THNSL2: variants seen among roughly 807,000 people sequenced by gnomAD.
THNSL2 encodes the protein threonine synthase like 2.
In THNSL2, 34 loss-of-function variants were observed where a neutral mutation model predicts 40.0. The observed-to-expected ratio is 0.85, with a 90% CI of 0.65 to 1.13. THNSL2 has a LOEUF of 1.13. THNSL2 is among the 50% of genes most tolerant of loss of function. THNSL2 has a pLI of 0.00. For synonymous variants in THNSL2, 241 were observed against 247.5 expected (o/e 0.97, Z 0.25); for missense variants, 537 against 608.8 (o/e 0.88, Z 1.24).
At chr2:88,183,145 C>G in intron 7 of THNSL2, 72 bp downstream of exon 7, 1 of 1,566,232 alleles carries the variant, frequency 6.4e-7, no homozygotes, top group Non-Finnish European at 8.7e-7. Flanking sequence ...GTTTGGAAGT[C>G]TGGTCAAGGG....
intron 1 of THNSL2, among the ~76,000 whole-genome samples, chr2:88,170,886 C>T (rs1676295684): frequency 6.6e-6 from 1 of 152,100 alleles, no homozygotes; most frequent in Admixed American, 6.5e-5. Context: ...CACCCCTTCT[C>T]ACAAAACCCC....
chr2:88,180,292 C>T (rs903693491), intron 5 of THNSL2, among the ~76,000 whole-genome samples: 3 of 152,154 alleles, frequency 2.0e-5, no homozygotes. Flanking sequence ...TCCATTTCTC[C>T]GCTGTCAGGC....
At chr2:88,176,908 A>G (rs959732016) in intron 4 of THNSL2, 6 of 152,170 alleles carry the variant, frequency 3.9e-5, no homozygotes, top group Admixed American at 3.9e-4. Context: ...GTTGTACCCT[A>G]AGCACCAAAA....
intron 5 of THNSL2, among the ~76,000 whole-genome samples, chr2:88,180,830 G>C (rs1330784270): frequency 1.3e-5 from 2 of 152,164 alleles, no homozygotes; most frequent in African/African-American, 4.8e-5. Flanking sequence ...TGCAGGGAGA[G>C]TAGTCTGAAA....
chr2:88,176,701 C>T (rs1257225976), intron 4 of THNSL2: 1 of 152,240 alleles, frequency 6.6e-6, no homozygotes, highest in African/African-American at 2.4e-5. Flanking sequence ...TCAGTTTGTT[C>T]AAGAGCAAGC....
Position 88,186,416 on chromosome 2 carries a change from G to A in THNSL2, c.*293G>A. ...AGGGCCTGCAAAAGAAGAGGCTTGG[G>A]CACAGGACTGACCATGGCTCCAGGG... On this transcript the variant is annotated 3_prime_UTR_variant, in exon 9 of 9. Coordinates refer to ENST00000674334, the MANE Select transcript of THNSL2 (RefSeq NM_018271.5). The A allele has an allele frequency of 1.2e-5, 5 of 424,140 alleles. No homozygotes were observed. The highest frequency in any genetic ancestry group is 9.4e-5 in the South Asian group (4 of 42,608). The allele number at this position is 424,140 out of a possible 1,614,324, so 26.3% of individuals were successfully genotyped here. A position where few individuals can be genotyped will look rare whatever the true frequency, so the allele number is the denominator to read the frequency against.
intron 5 of THNSL2, among the ~76,000 whole-genome samples, chr2:88,180,800 C>G (rs6729451): frequency 0.027 from 4,067 of 152,240 alleles, 107 homozygotes; most frequent in African/African-American, 0.067. Flanking sequence ...GGTTACTGCT[C>G]TGGCCTCCCC....
In THNSL2 at chr2:88,171,034, G is replaced by T. The variant is rs370953913; in HGVS notation, c.-13+578G>T. 3.9e-5 allele frequency among the ~76,000 whole-genome samples: 6 copies of T among 152,260 alleles called. No individual in the cohort carries two copies. The East Asian group carries it at 7.7e-4, about 20-fold the overall frequency. The stretch of plus-strand genomic sequence containing the variant: ...CTCTACTCTGGAATAGGGTCCAGAG[G>T]AGTGGCAAGGGAAAATTATTAGAAT... On this transcript the variant is annotated intron_variant, in intron 1 of 8. Coordinates refer to ENST00000674334, the MANE Select transcript of THNSL2 (RefSeq NM_018271.5).
In THNSL2 at chr2:88,185,988, G is replaced by T. The variant is rs780145077; in HGVS notation, c.1320G>T (p.Glu440Asp). Residue 440 changes from glutamate to aspartate, a missense_variant, in exon 9 of 9, where the codon GAG becomes GAT. Physicochemically the swap from Glu to Asp is conservative, Grantham distance 45. Coordinates refer to ENST00000674334, the MANE Select transcript of THNSL2 (RefSeq NM_018271.5). ...GCCTGACCCCTGAGACTCCCGCGGA[G>T]ATCGTAGCCCTGGAGCACAAGGAGA... ...AAGLTPETPA[E>D]IVALEHKETR... 18 of 1,612,700 alleles carry T rather than the reference G, an allele frequency of 1.1e-5. No individual in the cohort carries two copies. Among genetic ancestry groups the T allele is most frequent in the Non-Finnish European group, 1.3e-5 (15 of 1,179,668 alleles).
In THNSL2 at chr2:88,186,184, C is replaced by A; in HGVS notation, c.*61C>A. On this transcript the variant is annotated 3_prime_UTR_variant, in exon 9 of 9. Transcript: ENST00000674334. ...CCAGGAAGATGCACCTTCTGAGCTG[C>A]CTTGTGCACCCTCCCCATTAAGCGT... 1.4e-6 allele frequency: 2 copies of A among 1,460,918 alleles called. No homozygotes were observed. The highest frequency in any genetic ancestry group is 2.5e-5 in the South Asian group (2 of 81,438). The allele number at this position is 1,460,918 out of a possible 1,614,324, so 90.5% of individuals were successfully genotyped here.
chr2:88,171,513 A>G (rs1353450630), intron 1 of THNSL2: 3 of 335,596 alleles, frequency 8.9e-6, no homozygotes, highest in South Asian at 2.2e-5. Context: ...CACTCCTGCG[A>G]TGGTTTCTTT....
At chr2:88,175,712 A>G (rs2104164229) in intron 4 of THNSL2, 1 of 298,500 alleles carries the variant, frequency 3.4e-6, no homozygotes, top group Non-Finnish European at 6.3e-6. Flanking sequence ...TATGTCAGCA[A>G]CCATGCAGAG....
intron 8 of THNSL2, 184 bp from the exon 9 acceptor site, chr2:88,185,714 C>T: frequency 6.4e-7 from 1 of 1,551,070 alleles, no homozygotes; most frequent in South Asian, 1.2e-5. Context: ...CCAGGAGGAG[C>T]AGTTTGCCAG....
At chr2:88,180,803 G>T (rs1277429458) in intron 5 of THNSL2, among the ~76,000 whole-genome samples, 3 of 152,134 alleles carry the variant, frequency 2.0e-5, no homozygotes, top group Non-Finnish European at 4.4e-5. Flanking sequence ...TACTGCTCTG[G>T]CCTCCCCTGG....
At chr2:88,182,656 T>C (rs1677808989) in intron 5 of THNSL2, 43 bp from the exon 6 acceptor site, 3 of 1,470,592 alleles carry the variant, frequency 2.0e-6, no homozygotes, top group Non-Finnish European at 2.7e-6. Flanking sequence ...CTTTTTGCTT[T>C]TATTTCTAAA....
At chr2:88,183,177 G>C (rs1677887323) in intron 7 of THNSL2, 104 bp downstream of exon 7, 1 of 1,484,266 alleles carries the variant, frequency 6.7e-7, no homozygotes, top group Non-Finnish European at 9.1e-7. Context: ...TGTTTCTTGA[G>C]TACCTGCTAT....
chr2:88,185,856 C>G (rs769823448), intron 8 of THNSL2, 42 bp from the exon 9 acceptor site: 6 of 1,555,596 alleles, frequency 3.9e-6, no homozygotes, highest in Non-Finnish European at 5.2e-6. Context: ...TCTCTCTATT[C>G]TCTCATTGTC....
chr2:88,186,372 G>A lies in THNSL2; in HGVS notation c.*249G>A. ...CTCCCCGGCCCGTGCAGCAGTGTCT[G>A]AGCTGTAGTGAAAGTTTCAGGGCCT... On this transcript the variant is annotated 3_prime_UTR_variant, in exon 9 of 9. Coordinates refer to ENST00000674334, the MANE Select transcript of THNSL2 (RefSeq NM_018271.5). 1 of 529,104 alleles carries A rather than the reference G, an allele frequency of 1.9e-6. No homozygotes were observed. Among genetic ancestry groups the A allele is most frequent in the South Asian group, 2.1e-5 (1 of 47,680 alleles). The allele number at this position is 529,104 out of a possible 1,614,324, so 32.8% of individuals were successfully genotyped here.
rs778241199 is a variant in THNSL2, at chr2:88,186,086, G to A, written c.1418G>A (p.Arg473Gln). Residue 473 changes from arginine to glutamine, a missense_variant, in exon 9 of 9, where the codon CGA becomes CAA. Coordinates refer to ENST00000674334, the MANE Select transcript of THNSL2 (RefSeq NM_018271.5). ...CGGGACACCATTGAGGACCTTAGCCGACAGTGGAGGAGTCATGCCCTCAAC... is the reference window on the plus strand; with the variant it reads ...CGGGACACCATTGAGGACCTTAGCCAACAGTGGAGGAGTCATGCCCTCAAC... ...MLRDTIEDLS[R>Q]QWRSHALNTS... The A allele has an allele frequency of 1.2e-5, 19 of 1,564,078 alleles. No homozygotes were observed. The highest frequency in any genetic ancestry group is 5.4e-5 in the African/African-American group (4 of 73,850).
Sources: gnomAD v4.1 joint callset for allele counts (sites outside exome capture counted in the v4.1 genomes callset) on GRCh38, gnomAD v4.1.1 for gene constraint, MANE v1.5 for transcripts, NCBI Gene and HGNC (gene_info 2026-07-23, HGNC 2026-07-21) for gene names.